CREB3L2: variants seen among roughly 807,000 people sequenced by gnomAD.
The protein encoded by CREB3L2 is cyclic AMP-responsive element-binding protein 3-like protein 2.
A neutral mutation model predicts 57.2 loss-of-function variants in CREB3L2; 23 were observed. That is an observed-to-expected ratio of 0.40 (90% CI 0.29 to 0.57). The LOEUF is 0.57. CREB3L2 is among the 20% of genes least tolerant of loss of function. The pLI is 0.42. For synonymous variants in CREB3L2, 268 were observed against 265.1 expected (o/e 1.01, Z -0.11); for missense variants, 628 against 634.7 (o/e 0.99, Z 0.11).
At chr7:137,884,643 ACAG>A in intron 10 of CREB3L2, 1 of 564,798 alleles carries the variant, frequency 1.8e-6, no homozygotes, top group East Asian at 2.9e-5. Flanking sequence ...AGGCAGAAAC[ACAG>A]CAGTTCTCTT....
At chr7:137,902,415 A>T (rs1401125071) in intron 7 of CREB3L2, among the ~76,000 whole-genome samples, 1 of 152,164 alleles carries the variant, frequency 6.6e-6, no homozygotes, top group Non-Finnish European at 1.5e-5. Flanking sequence ...AAGTGAAGAG[A>T]CTTAAGCAAA....
intron 9 of CREB3L2, 98 bp from the exon 10 acceptor site, chr7:137,885,219 C>A: frequency 7.0e-7 from 1 of 1,420,154 alleles, no homozygotes; most frequent in Admixed American, 2.0e-5. Flanking sequence ...CTCTCCTCTT[C>A]AGGCCAGTGG....
intron 1 of CREB3L2, among the ~76,000 whole-genome samples, chr7:137,971,034 T>C (rs1801496720): frequency 6.6e-6 from 1 of 152,200 alleles, no homozygotes; most frequent in Admixed American, 6.5e-5. Context: ...AGCATGAACC[T>C]AGACCCTAAA....
At chr7:137,898,619 T>G (rs550483527) in intron 8 of CREB3L2, among the ~76,000 whole-genome samples, 7 of 152,354 alleles carry the variant, frequency 4.6e-5, no homozygotes, top group Non-Finnish European at 1.0e-4. Flanking sequence ...AATTTTTATG[T>G]TCCTTCTGAT....
In CREB3L2 at chr7:137,929,995, G is replaced by A. The variant is rs183004801; in HGVS notation, c.103-1629C>T. Among the ~76,000 whole-genome samples the A allele has an allele frequency of 6.6e-3, 998 of 151,646 alleles. 5 individuals are homozygous for A. Among genetic ancestry groups the A allele is most frequent in the Non-Finnish European group, 1.0e-2 (679 of 67,904 alleles). ...TGCAAGCTCCGCCTCCCAGGTTCCC[G>A]CCATTCTCCTGTCTCAGCCTCCTGA... On this transcript the variant is annotated intron_variant, in intron 1 of 11. Transcript: ENST00000330387.
At chr7:137,906,790 G>A (rs578018054) in intron 5 of CREB3L2, among the ~76,000 whole-genome samples, 10 of 152,286 alleles carry the variant, frequency 6.6e-5, no homozygotes, top group African/African-American at 2.4e-4. Context: ...TTAAAAAACA[G>A]GAGTTGCACT....
chr7:137,965,493 G>T (rs185643366), intron 1 of CREB3L2, among the ~76,000 whole-genome samples: 3 of 152,138 alleles, frequency 2.0e-5, no homozygotes, highest in African/African-American at 4.8e-5. Context: ...TCAGAATATT[G>T]TTAATATTAA....
chr7:137,972,732 TATATAGAGAGAGAGAGAGAGAG>T (rs1801537817), intron 1 of CREB3L2, among the ~76,000 whole-genome samples: 1 of 26,830 alleles, frequency 3.7e-5, no homozygotes, highest in Non-Finnish European at 6.1e-5. Flanking sequence ...TATATATATA[TATATAGAGAGAGAGAGAGAGAG>T]AGAGAGAGAG....
intron 1 of CREB3L2, among the ~76,000 whole-genome samples, chr7:137,937,147 A>C (rs1353086366): frequency 6.6e-6 from 1 of 152,204 alleles, no homozygotes; most frequent in East Asian, 1.9e-4. Context: ...GTTCTCCGGC[A>C]GGCAGGAGAA....
Position 138,001,789 on chromosome 7 carries a change from T to C in CREB3L2, c.-84A>G. ...GCCTCGGACCGGCAAGGTTCCTCTC[T>C]CTCCGCGTGTGCTTGCGTGTGTGCG... On this transcript the variant is annotated 5_prime_UTR_variant, in exon 1 of 12. Transcript: ENST00000330387. This position sits in a 1 kb window ranked among gnomAD's most constrained non-coding sequence, Gnocchi z 4.2. 1.0e-6 allele frequency: 1 copy of C among 978,064 alleles called. No individual in the cohort carries two copies. The highest frequency in any genetic ancestry group is 2.9e-5 in the East Asian group (1 of 34,286). 60.6% of individuals were successfully genotyped at this position (978,064 alleles called of 1,614,324 possible).
At position 137,977,149 on chromosome 7, in the gene CREB3L2, C is replaced by T. The variant is rs150594374; in HGVS notation, c.102+24455G>A. ...CCACCATCCTTCCCAGGTTCCTCCC[C>T]CGTTATTCTGACTCCCAACCACAGT... On this transcript the variant is annotated intron_variant, in intron 1 of 11. Transcript: ENST00000330387. Among the ~76,000 whole-genome samples the T allele has an allele frequency of 4.3e-3, 661 of 152,320 alleles. 6 individuals carry two copies. Among genetic ancestry groups the T allele is most frequent in the African/African-American group, 0.015 (625 of 41,570 alleles).
chr7:137,898,631 G>C, intron 8 of CREB3L2, among the ~76,000 whole-genome samples: 1 of 152,154 alleles, frequency 6.6e-6, no homozygotes, highest in East Asian at 1.9e-4. Flanking sequence ...CCTTCTGATG[G>C]AGGCATGTAG....
In CREB3L2 at chr7:137,876,795, C is replaced by G. The variant is rs149567111; in HGVS notation, c.*3681G>C. On this transcript the variant is annotated 3_prime_UTR_variant, in exon 12 of 12. Coordinates refer to ENST00000330387, the MANE Select transcript of CREB3L2 (RefSeq NM_194071.4). ...TAAAGACTGGCTTCAATAGAACCAA[C>G]TGTAGTGACTTGGGGCAGAGGAAGG... 372 of 232,292 alleles carry G rather than the reference C, an allele frequency of 1.6e-3. No homozygotes were observed. Among genetic ancestry groups the G allele is most frequent in the Middle Eastern group, 9.0e-3 (7 of 780 alleles). The allele number at this position is 232,292 out of a possible 1,614,324, so 14.4% of individuals were successfully genotyped here.
chr7:137,876,097 T>C lies in CREB3L2; in HGVS notation c.*4379A>G, dbSNP rs1799143772. On this transcript the variant is annotated 3_prime_UTR_variant, in exon 12 of 12. Transcript: ENST00000330387. The stretch of plus-strand genomic sequence containing the variant: ...ATTGCACTCCTGCAAACTGGGATTT[T>C]CCTAATGGACGTAACCCTATTTCTT... The C allele has an allele frequency of 8.6e-6, 2 of 232,098 alleles. No homozygotes were observed. The highest frequency in any genetic ancestry group is 5.6e-5 in the Admixed American group (1 of 17,726). The allele number at this position is 232,098 out of a possible 1,614,324, so 14.4% of individuals were successfully genotyped here.
intron 1 of CREB3L2, among the ~76,000 whole-genome samples, chr7:137,969,340 CTTTTTTTTTTTTTT>C (rs71177936): frequency 5.2e-5 from 4 of 77,070 alleles, no homozygotes; most frequent in Admixed American, 3.3e-4. Context: ...TTATGATCTT[CTTTTTTTTTTTTTT>C]TTTTTTTTTT....
chr7:137,885,393 G>A lies in CREB3L2; in HGVS notation c.1143+10C>T, dbSNP rs777103283. On this transcript the variant is annotated intron_variant, in intron 9 of 11. Transcript: ENST00000330387. ...GGGCGGTCACTGTGCTACCCTGCTG[G>A]GAAGCTCACCATGAGGCAGGTGCCA... 1.2e-6 allele frequency: 2 copies of A among 1,611,502 alleles called. No individual in the cohort carries two copies. Among genetic ancestry groups the A allele is most frequent in the Admixed American group, 1.7e-5 (1 of 59,892 alleles).
intron 1 of CREB3L2, among the ~76,000 whole-genome samples, chr7:137,969,803 A>G (rs938590327): frequency 7.4e-6 from 1 of 135,736 alleles, no homozygotes; most frequent in African/African-American, 3.4e-5. Context: ...CAACATACAC[A>G]TACGCAGAAA....
intron 4 of CREB3L2, among the ~76,000 whole-genome samples, chr7:137,910,497 A>G (rs1799982717): frequency 6.6e-6 from 1 of 152,084 alleles, no homozygotes; most frequent in Admixed American, 6.6e-5. Context: ...AAGAGTGAGG[A>G]GTCCTAAGCG....
intron 1 of CREB3L2, among the ~76,000 whole-genome samples, chr7:137,999,098 T>C (rs1802035075): frequency 2.4e-5 from 1 of 41,876 alleles, no homozygotes; most frequent in Non-Finnish European, 1.4e-4. Flanking sequence ...TAATCTGAAA[T>C]ACATGATATT....
Sources: gnomAD v4.1 joint callset for allele counts (sites outside exome capture counted in the v4.1 genomes callset) on GRCh38, gnomAD v4.1.1 for gene constraint, Gnocchi (gnomAD v3.1) non-coding constraint, MANE v1.5 for transcripts, NCBI Gene and HGNC (gene_info 2026-07-23, HGNC 2026-07-21) for gene names.